MROH9: variants seen among roughly 807,000 people sequenced by gnomAD.
The protein encoded by MROH9 is maestro heat like repeat family member 9.
Under a neutral mutation model 98.2 loss-of-function variants are expected in MROH9, and 92 were observed. That is an observed-to-expected ratio of 0.94 (90% CI 0.79 to 1.11). The LOEUF is 1.11. Among genes scored for constraint, MROH9 ranks in the 50% most tolerant of loss-of-function variants. The pLI, the probability that MROH9 is intolerant of heterozygous loss-of-function variation, is 0.00. For synonymous variants in MROH9, 397 were observed against 368.9 expected (o/e 1.08, Z -0.87); for missense variants, 1,057 against 1,014.8 (o/e 1.04, Z -0.57).
intron 3 of MROH9, among the ~76,000 whole-genome samples, chr1:170,950,564 C>T (rs1553209595): frequency 6.6e-6 from 1 of 152,064 alleles, no homozygotes; most frequent in Non-Finnish European, 1.5e-5. Context: ...CACAGGAAAG[C>T]AGTAACAACT....
At chr1:171,049,698 T>C (rs1320689766) in intron 20 of MROH9, among the ~76,000 whole-genome samples, 1 of 152,050 alleles carries the variant, frequency 6.6e-6, no homozygotes, top group Non-Finnish European at 1.5e-5. Flanking sequence ...TTTTTTTTTT[T>C]TATTTGAGAC....
chr1:171,024,684 A>T lies in MROH9; in HGVS notation c.2097A>T (p.Gln699His), dbSNP rs1385487459. The T allele has an allele frequency of 6.4e-7, 1 of 1,551,252 alleles. No individual in the cohort carries two copies. The highest frequency in any genetic ancestry group is 2.0e-5 in the Admixed American group (1 of 50,982). ...CKYTLKICTSQLKWSTSRLLK... is the reference protein window; with the variant it reads ...CKYTLKICTSHLKWSTSRLLK... Reference sequence around the variant, plus strand: ...ATACATTAAAAATCTGTACCTCACAATTAAAGTGGTCAACATCACGTTTGC... The same window carrying T: ...ATACATTAAAAATCTGTACCTCACATTTAAAGTGGTCAACATCACGTTTGC... The change falls in exon 19 of 22, where the codon CAA becomes CAT. Residue 699 changes from glutamine (Q) to histidine (H), a missense_variant. By Grantham distance (24) the Gln-to-His change is conservative. Coordinates refer to ENST00000367759, the MANE Select transcript of MROH9 (RefSeq NM_001163629.2).
chr1:170,967,456 G>T (rs564340872), intron 7 of MROH9, among the ~76,000 whole-genome samples: 1 of 152,258 alleles, frequency 6.6e-6, no homozygotes, highest in South Asian at 2.1e-4. Flanking sequence ...ATTAAAATCT[G>T]AGATTCCCAC....
chr1:171,008,760 G>T lies in MROH9; in HGVS notation c.1597-5357G>T, dbSNP rs574156727. Among the ~76,000 whole-genome samples, 7 of 152,150 alleles carry T rather than the reference G, an allele frequency of 4.6e-5. No homozygotes were observed. In the South Asian group the frequency reaches 1.5e-3, roughly 32 times the overall value. On this transcript the variant is annotated intron_variant, in intron 15 of 21. Coordinates refer to ENST00000367759, the MANE Select transcript of MROH9 (RefSeq NM_001163629.2). Reference sequence around the variant, plus strand: ...CCAGCTTGGGCAACATAGCAAGACCGTATCTCTTTTAAAAAAAGAATGAGA... The same window carrying T: ...CCAGCTTGGGCAACATAGCAAGACCTTATCTCTTTTAAAAAAAGAATGAGA...
In MROH9 at chr1:170,992,113, A is replaced by G. The variant is rs540989036; in HGVS notation, c.1029-51A>G. On this transcript the variant is annotated intron_variant, in intron 11 of 21. Coordinates refer to ENST00000367759, the MANE Select transcript of MROH9 (RefSeq NM_001163629.2). The stretch of plus-strand genomic sequence containing the variant: ...CCTGATTCTTGTTATTCTATCAAGT[A>G]GGACATGACAAACATGATTCTCATT... 4.8e-5 allele frequency: 72 copies of G among 1,510,354 alleles called. 1 individual carries two copies. The highest frequency in any genetic ancestry group is 9.4e-5 in the East Asian group (4 of 42,514). 93.6% of individuals were successfully genotyped at this position (1,510,354 alleles called of 1,614,324 possible). A position where few individuals can be genotyped will look rare whatever the true frequency, so the allele number is the denominator to read the frequency against.
At chr1:171,032,344 G>A (rs1471518300) in intron 20 of MROH9, among the ~76,000 whole-genome samples, 1 of 151,914 alleles carries the variant, frequency 6.6e-6, no homozygotes, top group African/African-American at 2.4e-5. Context: ...GCAATTATTT[G>A]GAGAAGAGGC....
chr1:171,057,806 C>G (rs1410444729), intron 20 of MROH9, among the ~76,000 whole-genome samples: 2 of 152,052 alleles, frequency 1.3e-5, no homozygotes, highest in Non-Finnish European at 2.9e-5. Flanking sequence ...AGATTGGGGG[C>G]CAAATTCAAC....
chr1:171,026,217 A>G (rs1377522831), intron 20 of MROH9, among the ~76,000 whole-genome samples: 7 of 151,842 alleles, frequency 4.6e-5, no homozygotes, highest in South Asian at 2.1e-4. Flanking sequence ...GTGCGCGCAC[A>G]CACACACACA....
chr1:171,030,384 C>A (rs1056920168), intron 20 of MROH9, among the ~76,000 whole-genome samples: 1 of 151,452 alleles, frequency 6.6e-6, no homozygotes, highest in African/African-American at 2.4e-5. Flanking sequence ...GATACTAGAG[C>A]GTCAATTTGA....
chr1:171,039,980 A>G (rs2101857205), intron 20 of MROH9, among the ~76,000 whole-genome samples: 1 of 152,242 alleles, frequency 6.6e-6, no homozygotes, highest in South Asian at 2.1e-4. Context: ...AATATAAAAT[A>G]TTGGTTTGAT....
chr1:171,049,308 C>T (rs1433558561), intron 20 of MROH9, among the ~76,000 whole-genome samples: 1 of 152,118 alleles, frequency 6.6e-6, no homozygotes, highest in African/African-American at 2.4e-5. Flanking sequence ...TCACTGACTC[C>T]ACTACCCCCA....
chr1:171,004,073 C>G (rs28488677), intron 15 of MROH9, among the ~76,000 whole-genome samples: 1 of 152,050 alleles, frequency 6.6e-6, no homozygotes, highest in Non-Finnish European at 1.5e-5. Context: ...ACCAAAGGGG[C>G]AGTCTCACTC....
chr1:171,011,670 GT>G (rs1652159730), intron 15 of MROH9, among the ~76,000 whole-genome samples: 2 of 152,156 alleles, frequency 1.3e-5, no homozygotes, highest in Non-Finnish European at 2.9e-5. Context: ...GCCCAGACAT[GT>G]GTAATGTATA....
At chr1:171,020,919 A>G (rs578212656) in intron 17 of MROH9, among the ~76,000 whole-genome samples, 1 of 152,314 alleles carries the variant, frequency 6.6e-6, no homozygotes, top group East Asian at 1.9e-4. Flanking sequence ...AAGTCTCGGG[A>G]TACAAAATCA....
chr1:171,058,436 A>G (rs1653916169), intron 20 of MROH9, among the ~76,000 whole-genome samples: 1 of 152,144 alleles, frequency 6.6e-6, no homozygotes, highest in Non-Finnish European at 1.5e-5. Context: ...AGTAATTTAT[A>G]GATTCAATGT....
At chr1:171,035,821 G>A (rs988933858) in intron 20 of MROH9, among the ~76,000 whole-genome samples, 4 of 152,150 alleles carry the variant, frequency 2.6e-5, no homozygotes, top group Non-Finnish European at 4.4e-5. Context: ...GCTGTTGGCG[G>A]AGAAAATTCT....
chr1:171,000,073 C>T (rs1651737145), intron 15 of MROH9, among the ~76,000 whole-genome samples: 1 of 152,026 alleles, frequency 6.6e-6, no homozygotes. Flanking sequence ...ATTGTAGACC[C>T]TGGATATTAG....
In MROH9 at chr1:170,993,594, G is replaced by A. The variant is rs368031222; in HGVS notation, c.1194+1265G>A. On this transcript the variant is annotated intron_variant, in intron 12 of 21. Coordinates refer to ENST00000367759, the MANE Select transcript of MROH9 (RefSeq NM_001163629.2). The stretch of plus-strand genomic sequence containing the variant: ...ATCATAAAAGCATGGCACAGAAGAC[G>A]GGAAAATTTAACAGGGAGTGCTCGA... 2.3e-3 allele frequency among the ~76,000 whole-genome samples: 344 copies of A among 152,158 alleles called. 5 individuals are homozygous for A. The South Asian group carries it at 0.028, about 12-fold the overall frequency.
chr1:170,994,557 A>G (rs1170453794), intron 12 of MROH9, among the ~76,000 whole-genome samples: 1 of 152,160 alleles, frequency 6.6e-6, no homozygotes, highest in Non-Finnish European at 1.5e-5. Flanking sequence ...AAATACGCAC[A>G]TCATAGAGAA....
Sources: allele counts gnomAD v4.1 joint callset (sites outside exome capture counted in the v4.1 genomes callset), GRCh38; gene constraint gnomAD v4.1.1; transcripts MANE v1.5; gene names NCBI Gene and HGNC (gene_info 2026-07-23, HGNC 2026-07-21).